Variants in EPHA6 observed in about 807,000 individuals in gnomAD.
The protein encoded by EPHA6 is EPH receptor A6.
A neutral mutation model predicts 112.0 loss-of-function variants in EPHA6; 50 were observed. That is an observed-to-expected ratio of 0.45 (90% confidence interval 0.36 to 0.56). EPHA6 has a LOEUF of 0.56. EPHA6 is among the 20% of genes least tolerant of loss of function. EPHA6 has a pLI of 0.00. For missense variants in EPHA6, 1,280 were observed against 1,417.4 expected (o/e 0.90, Z 1.56); for synonymous variants, 529 against 490.7 (o/e 1.08, Z -1.03).
At chr3:97,021,839 A>G (rs1448653171) in intron 3 of EPHA6, among the ~76,000 whole-genome samples, 1 of 152,188 alleles carries the variant, frequency 6.6e-6, no homozygotes, top group Non-Finnish European at 1.5e-5. Flanking sequence ...AATGTAGTCT[A>G]TATCACCTTG....
intron 10 of EPHA6, among the ~76,000 whole-genome samples, chr3:97,531,456 T>C (rs1330946548): frequency 6.6e-6 from 1 of 152,008 alleles, no homozygotes; most frequent in Non-Finnish European, 1.5e-5. Flanking sequence ...ATGCACACTG[T>C]CTTGAATGTC....
chr3:97,310,148 CCT>C (rs1203491946), intron 5 of EPHA6, among the ~76,000 whole-genome samples: 1 of 151,502 alleles, frequency 6.6e-6, no homozygotes, highest in Admixed American at 6.6e-5. Context: ...CCCCACAACT[CCT>C]CTCTTTCTAC....
intron 3 of EPHA6, among the ~76,000 whole-genome samples, chr3:97,071,013 T>C (rs752344704): frequency 1.3e-5 from 2 of 152,098 alleles, no homozygotes; most frequent in Non-Finnish European, 2.9e-5. Context: ...GTGATCATTT[T>C]CCCCAAAGTA....
intron 10 of EPHA6, among the ~76,000 whole-genome samples, chr3:97,499,957 A>G (rs2092074983): frequency 6.6e-6 from 1 of 152,272 alleles, no homozygotes; most frequent in South Asian, 2.1e-4. Context: ...TTATTTTATA[A>G]ACTTTTTAAC....
chr3:97,191,375 C>T (rs1209211771), intron 3 of EPHA6, among the ~76,000 whole-genome samples: 1 of 151,660 alleles, frequency 6.6e-6, no homozygotes, highest in East Asian at 1.9e-4. Context: ...TATTATTGAC[C>T]ATAATGACCC....
chr3:97,752,130 C>T lies in EPHA6; in HGVS notation c.*3429C>T, dbSNP rs151146375. The T allele has an allele frequency of 4.5e-6, 1 of 223,956 alleles. No individual in the cohort carries two copies. The highest frequency in any genetic ancestry group is 6.5e-5 in the East Asian group (1 of 15,346). 13.9% of individuals were successfully genotyped at this position (223,956 alleles called of 1,614,324 possible). ...CATATCAAAATAAGACATCTTATTT[C>T]ACTCTGCATTGGTCTTTAAAATCTA... On this transcript the variant is annotated 3_prime_UTR_variant, in exon 18 of 18. Coordinates refer to ENST00000389672, the MANE Select transcript of EPHA6 (RefSeq NM_001080448.3).
At chr3:97,306,293 CTTTTTT>C (rs5851061) in intron 5 of EPHA6, among the ~76,000 whole-genome samples, 1 of 124,830 alleles carries the variant, frequency 8.0e-6, no homozygotes, top group African/African-American at 2.8e-5. Flanking sequence ...TCAGGGCCCT[CTTTTTT>C]TTTTTTTTTT....
At chr3:97,238,682 A>G (rs1323430883) in intron 4 of EPHA6, among the ~76,000 whole-genome samples, 1 of 151,956 alleles carries the variant, frequency 6.6e-6, no homozygotes, top group East Asian at 1.9e-4. Flanking sequence ...CTTACCAGGT[A>G]TAAAAGTGAT....
chr3:97,405,104 A>G, intron 5 of EPHA6, 46 bp from the exon 6 acceptor site: 1 of 1,545,730 alleles, frequency 6.5e-7, no homozygotes, highest in Non-Finnish European at 8.7e-7. Context: ...GGATAATGGA[A>G]AATGATTCCT....
intron 6 of EPHA6, among the ~76,000 whole-genome samples, chr3:97,415,242 T>G (rs1418113092): frequency 1.3e-5 from 2 of 152,082 alleles, no homozygotes; most frequent in Non-Finnish European, 2.9e-5. Context: ...GCATCTGCAT[T>G]TATCACCTCT....
chr3:97,111,525 G>A (rs1576507097), intron 3 of EPHA6, among the ~76,000 whole-genome samples: 1 of 151,962 alleles, frequency 6.6e-6, no homozygotes, highest in Non-Finnish European at 1.5e-5. Context: ...GCTTCTGGGT[G>A]GGCAGGTCAC....
At chr3:97,485,362 G>T (rs1195669445) in intron 10 of EPHA6, among the ~76,000 whole-genome samples, 1 of 152,072 alleles carries the variant, frequency 6.6e-6, no homozygotes, top group Admixed American at 6.5e-5. Context: ...CAACTACAGG[G>T]CACACCTAAA....
At chr3:96,855,565 G>T (rs78875197) in intron 1 of EPHA6, among the ~76,000 whole-genome samples, 10,432 of 151,948 alleles carry the variant, frequency 0.069, 712 homozygotes, top group Admixed American at 0.21. Context: ...ACATTTGAGA[G>T]GCCTCCGAAT....
chr3:96,817,718 C>T (rs149656276), intron 1 of EPHA6, among the ~76,000 whole-genome samples: 122 of 151,982 alleles, frequency 8.0e-4, no homozygotes, highest in African/African-American at 2.6e-3. Context: ...ATATGACATC[C>T]TTCATGGCTG....
chr3:97,688,231 C>T (rs1303923003), intron 14 of EPHA6, among the ~76,000 whole-genome samples: 14 of 151,998 alleles, frequency 9.2e-5, no homozygotes, highest in Admixed American at 7.2e-4. Flanking sequence ...TTTATTTCTT[C>T]GAGTATATTT....
At chr3:97,234,699 G>C (rs2078631281) in intron 4 of EPHA6, among the ~76,000 whole-genome samples, 1 of 151,596 alleles carries the variant, frequency 6.6e-6, no homozygotes, top group Non-Finnish European at 1.5e-5. Flanking sequence ...TTCTTCTTTT[G>C]CTCACCTGTT....
At chr3:97,621,106 C>G (rs558345418) in intron 13 of EPHA6, among the ~76,000 whole-genome samples, 24 of 152,074 alleles carry the variant, frequency 1.6e-4, no homozygotes, top group African/African-American at 5.3e-4. Flanking sequence ...AGATCACATC[C>G]TTTGCAGGCA....
chr3:97,051,188 A>G (rs555837329), intron 3 of EPHA6, among the ~76,000 whole-genome samples: 24 of 152,332 alleles, frequency 1.6e-4, no homozygotes, highest in African/African-American at 5.8e-4. Context: ...TTAACACTAA[A>G]TAGTCTCAGT....
intron 11 of EPHA6, among the ~76,000 whole-genome samples, chr3:97,552,626 G>T (rs990088888): frequency 1.5e-4 from 23 of 152,126 alleles, no homozygotes; most frequent in African/African-American, 5.5e-4. Flanking sequence ...CTGCAGTTTA[G>T]AACCTTGATA....
Sources: gnomAD v4.1 joint callset for allele counts (sites outside exome capture counted in the v4.1 genomes callset) on GRCh38, gnomAD v4.1.1 for gene constraint, MANE v1.5 for transcripts, NCBI Gene and HGNC (gene_info 2026-07-23, HGNC 2026-07-21) for gene names.